Variants in RNF17 observed in about 807,000 individuals in gnomAD.
RNF17 encodes the protein ring finger protein 17.
A neutral mutation model predicts 200.5 loss-of-function variants in RNF17; 31 were observed. The ratio of observed to expected loss-of-function variants is 0.15; its 90% CI spans 0.12 to 0.21. The LOEUF is 0.21. RNF17 is among the 10% of genes least tolerant of loss of function. The pLI, the probability that RNF17 is intolerant of heterozygous loss-of-function variation, is 1.00. For missense variants in RNF17, 1,628 were observed against 1,905.1 expected, an observed-to-expected ratio of 0.85 and a Z score of 2.71; for synonymous variants, 606 against 637.8, an observed-to-expected ratio of 0.95 and a Z score of 0.75.
Position 24,803,124 on chromosome 13 carries a change from A to G in RNF17, c.1949+553A>G, listed in dbSNP as rs536641829. ...AATATAAAGTATGTATAAATACCTA[A>G]CATCTTTTGGACTCTTGATAACTAT... is the stretch of plus-strand genomic sequence containing the variant. On this transcript the variant is annotated intron_variant, in intron 14 of 35. Transcript: ENST00000255324. Among the ~76,000 whole-genome samples the G allele has an allele frequency of 8.7e-5, 7 of 80,404 alleles. No homozygotes were observed. In the South Asian group the frequency reaches 2.2e-3, roughly 26 times the overall value. 52.7% of individuals were successfully genotyped at this position (80,404 alleles called of 152,430 possible).
At chr13:24,841,931 A>G (rs1410146320) in intron 18 of RNF17, 110 bp from the exon 19 acceptor site, 2 of 836,050 alleles carry the variant, frequency 2.4e-6, no homozygotes, top group East Asian at 5.9e-5. Flanking sequence ...GTGCCACTGC[A>G]CTCCAGCCTG....
Position 24,843,812 on chromosome 13 carries a change from CAAATGAAGTACACAACTT to C in RNF17, c.2677_2694del (p.Glu893_Asn898del), listed in dbSNP as rs769826730. On this transcript the variant is annotated inframe_deletion, in exon 20 of 36. Transcript: ENST00000255324. ...GATCCTTCTCCAGAAGAAATTATTT[CAAATGAAGTACACAACTT>C]AAATCCTGTGTCTGCAAAATCTCTA... The C allele has an allele frequency of 6.2e-7, 1 of 1,610,490 alleles. No individual in the cohort carries two copies. Among genetic ancestry groups the C allele is most frequent in the East Asian group, 2.2e-5 (1 of 44,728 alleles).
chr13:24,791,262 C>G (rs376643354), intron 9 of RNF17, among the ~76,000 whole-genome samples: 27 of 152,150 alleles, frequency 1.8e-4, no homozygotes, highest in African/African-American at 6.3e-4. Flanking sequence ...ACTAATAGCA[C>G]TGGATAGGGA....
chr13:24,762,106 C>T (rs537329832), upstream of RNF17, among the ~76,000 whole-genome samples: 24 of 152,266 alleles, frequency 1.6e-4, no homozygotes, highest in East Asian at 4.1e-3. Context: ...CGGTGGCTCA[C>T]GCCTGTAATC....
rs149693483 is a variant in RNF17, at chr13:24,879,285, A to G, written c.4872A>G (p.Ter1624=). The G allele has an allele frequency of 1.5e-4, 245 of 1,587,982 alleles. No homozygotes were observed. The Middle Eastern group carries it at 2.2e-3, about 14-fold the overall frequency. The change falls in exon 35 of 36, where the codon TAA becomes TAG. Residue 1624 remains the stop codon, a stop_retained_variant. Coordinates refer to ENST00000255324, the MANE Select transcript of RNF17 (RefSeq NM_031277.3). ...TGGGGCTTGCAGATAAAGATGAATA[A>G]GTGCCTAAGTGTAAGTTCTCATTCT... is the stretch of plus-strand genomic sequence containing the variant. ...VEMGLADKDE[*] is the part of the protein sequence containing the mutation.
intron 25 of RNF17, among the ~76,000 whole-genome samples, chr13:24,856,332 A>C (rs1892490480): frequency 6.6e-6 from 1 of 150,898 alleles, no homozygotes; most frequent in African/African-American, 2.4e-5. Context: ...AGGCAGAAGA[A>C]TCGTTTGAAC....
At chr13:24,862,690 C>G in intron 27 of RNF17, 23 bp from the exon 28 acceptor site, 1 of 1,461,834 alleles carries the variant, frequency 6.8e-7, no homozygotes, top group Non-Finnish European at 9.6e-7. Context: ...ATAAAAGAAT[C>G]TGAGTTTATT....
chr13:24,884,460 C>T (rs1333278559), downstream of RNF17: 6 of 1,613,900 alleles, frequency 3.7e-6, no homozygotes, highest in Non-Finnish European at 5.1e-6. Context: ...TAAACCTTTT[C>T]CACCTAAAAA....
chr13:24,801,814 T>C (rs1475009419), intron 13 of RNF17, among the ~76,000 whole-genome samples: 1 of 113,004 alleles, frequency 8.8e-6, no homozygotes, highest in Non-Finnish European at 2.1e-5. Flanking sequence ...AATACTTATT[T>C]CTTTCATTTT....
chr13:24,856,685 G>A (rs1033684106), intron 25 of RNF17, among the ~76,000 whole-genome samples: 3 of 152,122 alleles, frequency 2.0e-5, no homozygotes, highest in African/African-American at 4.8e-5. Flanking sequence ...ATATATGCAC[G>A]AGTTGTTTCT....
At chr13:24,764,164 G>A (rs767480181), upstream of RNF17, 2 of 1,549,040 alleles carry the variant, frequency 1.3e-6, no homozygotes, top group African/African-American at 1.4e-5. Context: ...GGGCCGCCGG[G>A]ACTCGCACTC....
intron 1 of RNF17, among the ~76,000 whole-genome samples, chr13:24,766,226 A>C (rs1210499662): frequency 6.6e-6 from 1 of 152,272 alleles, no homozygotes; most frequent in Admixed American, 6.5e-5. Context: ...ATGAATAAAT[A>C]AATAAATAAA....
chr13:24,824,368 T>C (rs1313575227), intron 15 of RNF17: 1 of 473,084 alleles, frequency 2.1e-6, no homozygotes, highest in Non-Finnish European at 3.7e-6. Context: ...AATATCTACT[T>C]AGAAAGGTAA....
chr13:24,838,552 C>G (rs1219976531), intron 18 of RNF17, among the ~76,000 whole-genome samples: 2 of 151,716 alleles, frequency 1.3e-5, no homozygotes, highest in East Asian at 3.9e-4. Context: ...ATGTGATACA[C>G]CACATAAACA....
chr13:24,776,072 A>C (rs1881524258), intron 3 of RNF17, among the ~76,000 whole-genome samples: 1 of 152,228 alleles, frequency 6.6e-6, no homozygotes, highest in Non-Finnish European at 1.5e-5. Context: ...GGATTCTTTC[A>C]AGGAAAAATC....
At chr13:24,886,082 C>T in the RNF17 span, 7 of 369,702 alleles carry the variant, frequency 1.9e-5, no homozygotes, top group African/African-American at 4.2e-5. Flanking sequence ...ATATGTCCAG[C>T]ACACCAATCA....
At chr13:24,788,569 T>C (rs1883427896) in intron 7 of RNF17, among the ~76,000 whole-genome samples, 1 of 152,166 alleles carries the variant, frequency 6.6e-6, no homozygotes, top group Non-Finnish European at 1.5e-5. Context: ...GGCTGTCAAC[T>C]CTTAACGTTA....
intron 2 of RNF17, 21 bp downstream of exon 2, chr13:24,767,387 G>C: frequency 1.4e-6 from 2 of 1,410,198 alleles, no homozygotes; most frequent in Non-Finnish European, 2.0e-6. Context: ...TAATTTTTCA[G>C]ATGAAACATA....
In RNF17 at chr13:24,852,339, C is replaced by T. The variant is rs576354198; in HGVS notation, c.3320+768C>T. On this transcript the variant is annotated intron_variant, in intron 24 of 35. Transcript: ENST00000255324. ...ATTTTTAGTAGAGACGGGGTTTCAC[C>T]GTGTTAGCCAGGATGGCCTCGATCT... 2.2e-3 allele frequency among the ~76,000 whole-genome samples: 328 copies of T among 152,118 alleles called. 1 individual carries two copies. The highest frequency in any genetic ancestry group is 2.9e-3 in the Non-Finnish European group (194 of 67,996).
Sources: allele counts gnomAD v4.1 joint callset (sites outside exome capture counted in the v4.1 genomes callset), GRCh38; gene constraint gnomAD v4.1.1; transcripts MANE v1.5; gene names NCBI Gene and HGNC (gene_info 2026-07-23, HGNC 2026-07-21).